The following NADK2 variants were observed in gnomAD, a reference collection of about 807,000 sequenced individuals.
NADK2 encodes NAD kinase domain-containing protein 1, mitochondrial.
A neutral mutation model predicts 62.1 loss-of-function variants in NADK2; 35 were observed. That is an observed-to-expected ratio of 0.56 (90% CI 0.43 to 0.75). NADK2 has a LOEUF of 0.75. Among genes scored for constraint, NADK2 ranks in the 30% least tolerant of loss-of-function variants. The pLI, the probability that NADK2 is intolerant of heterozygous loss-of-function variation, is 0.00. For missense variants in NADK2, 439 were observed against 561.3 expected, an observed-to-expected ratio of 0.78 and a Z score of 2.20; for synonymous variants, 205 against 207.9, an observed-to-expected ratio of 0.99 and a Z score of 0.12.
rs1747095713 is a variant in NADK2, at chr5:36,217,666, A to G, written c.781+82T>C. 3 of 1,567,818 alleles carry G rather than the reference A, an allele frequency of 1.9e-6. No homozygotes were observed. The Admixed American group carries it at 5.1e-5, about 27-fold the overall frequency. ...TATTAATGACACTAAAAACAAGTAA[A>G]TTATTACATCAAAAAATTTGAGGTC... On this transcript the variant is annotated intron_variant, in intron 6 of 11. Coordinates refer to ENST00000381937, the MANE Select transcript of NADK2 (RefSeq NM_001085411.3).
chr5:36,241,947 G>T, upstream of NADK2: 1 of 603,492 alleles, frequency 1.7e-6, no homozygotes, highest in Non-Finnish European at 2.2e-6. The surrounding 1 kb of genome is among the most constrained non-coding windows in gnomAD (Gnocchi z 4.9). Flanking sequence ...TGGCCCACGC[G>T]GCTAGGGGGA....
chr5:36,237,036 G>C (rs1747937678), intron 1 of NADK2, among the ~76,000 whole-genome samples: 1 of 152,114 alleles, frequency 6.6e-6, no homozygotes, highest in Non-Finnish European at 1.5e-5. Context: ...AATGAACTAT[G>C]TATGGAAAAA....
chr5:36,234,583 G>A (rs1285598926), intron 1 of NADK2, among the ~76,000 whole-genome samples: 17 of 152,100 alleles, frequency 1.1e-4, no homozygotes, highest in Non-Finnish European at 1.5e-5. Context: ...ATATGTATGA[G>A]AACAATACAC....
chr5:36,226,510 G>T lies in NADK2; in HGVS notation c.443C>A (p.Thr148Asn). The T allele has an allele frequency of 1.9e-6, 3 of 1,612,988 alleles. No homozygotes were observed. The African/African-American group carries it at 4.0e-5, about 22-fold the overall frequency. The change falls in exon 3 of 12, where the codon ACT becomes AAT. Residue 148 changes from threonine to asparagine, a missense_variant. By Grantham distance (65) the Thr-to-Asn change is moderately conservative. Transcript: ENST00000381937. ...LVKRREYDEE[T>N]VRWADAVIAA... is the part of the protein sequence containing the mutation. ...TATGACAGCATCTGCCCATCGAACA[G>T]TCTCTTCATCATATTCTCTCCTCTT...
chr5:36,241,295 G>A lies in NADK2; in HGVS notation c.300+204C>T, dbSNP rs1350726572. 8.7e-6 allele frequency: 9 copies of A among 1,029,652 alleles called. No homozygotes were observed. Among genetic ancestry groups the A allele is most frequent in the Non-Finnish European group, 1.3e-6 (1 of 780,896 alleles). The allele number at this position is 1,029,652 out of a possible 1,614,324, so 63.8% of individuals were successfully genotyped here. ...TGTCCCTCTCTCTCCCCCTCTCCCC[G>A]GCCCTGCCTCTCCCTCGCACACACG... On this transcript the variant is annotated intron_variant, in intron 1 of 11. Coordinates refer to ENST00000381937, the MANE Select transcript of NADK2 (RefSeq NM_001085411.3). The surrounding 1 kb of genome is among the most constrained non-coding windows in gnomAD (Gnocchi z 4.9).
chr5:36,201,087 T>C lies in NADK2; in HGVS notation c.1012+19A>G, dbSNP rs1000052327. On this transcript the variant is annotated intron_variant, in intron 9 of 11. Coordinates refer to ENST00000381937, the MANE Select transcript of NADK2 (RefSeq NM_001085411.3). ...TGCGGATAAGAGGGGACTACTCCAA[T>C]AGCTGTTTTGGTACTCACCAATATT... The C allele has an allele frequency of 1.3e-5, 21 of 1,609,710 alleles. No individual in the cohort carries two copies. In the Admixed American group the frequency reaches 3.2e-4, roughly 24 times the overall value.
chr5:36,200,274 C>T lies in NADK2; in HGVS notation c.1019G>A (p.Arg340Gln). 1.3e-6 allele frequency: 2 copies of T among 1,573,784 alleles called. No homozygotes were observed. Among genetic ancestry groups the T allele is most frequent in the South Asian group, 1.2e-5 (1 of 84,810 alleles). ...AVEDVLNIAK[R>Q]QGNLSLPLNR... ...CAATGGAAGACTCAAATTTCCTTGT[C>T]GTTTTGCTGTTGAAAAAGGAAAGGG... Residue 340 changes from arginine to glutamine, a missense_variant, in exon 10 of 12, where the codon CGA becomes CAA. Arg to Gln is a conservative substitution (Grantham distance 43). Coordinates refer to ENST00000381937, the MANE Select transcript of NADK2 (RefSeq NM_001085411.3).
At chr5:36,230,316 G>A (rs1747660577) in intron 1 of NADK2, among the ~76,000 whole-genome samples, 2 of 152,198 alleles carry the variant, frequency 1.3e-5, no homozygotes, top group Non-Finnish European at 2.9e-5. Flanking sequence ...ACCTAACTCT[G>A]ACTCTTTTTA....
At position 36,241,748 on chromosome 5, in the gene NADK2, G is replaced by T; in HGVS notation, c.51C>A (p.Gly17=). Reference sequence around the variant, plus strand: ...GTCCCCGCAGCGCCGCCGCCCGGCCGCCCGCCACGCGACAACAGCTGCCCA... The same window carrying T: ...GTCCCCGCAGCGCCGCCGCCCGGCCTCCCGCCACGCGACAACAGCTGCCCA... ...FLLGSCCRVA[G]GRAAALRGPG... The change falls in exon 1 of 12, where the codon GGC becomes GGA. Residue 17 remains glycine (G), a synonymous_variant. Coordinates refer to ENST00000381937, the MANE Select transcript of NADK2 (RefSeq NM_001085411.3). This position sits in a 1 kb window ranked among gnomAD's most constrained non-coding sequence, Gnocchi z 4.9. The T allele has an allele frequency of 7.7e-7, 1 of 1,303,864 alleles. No individual in the cohort carries two copies. Among genetic ancestry groups the T allele is most frequent in the South Asian group, 1.9e-5 (1 of 52,306 alleles). 80.8% of individuals were successfully genotyped at this position (1,303,864 alleles called of 1,614,324 possible).
rs968677799 is a variant in NADK2 at position 36,192,688 on chromosome 5, C to T, written c.*2456G>A. On this transcript the variant is annotated 3_prime_UTR_variant, in exon 12 of 12. Transcript: ENST00000381937. ...GTCAAAATTATCTGAAGAGCCTACACTGACCAGGTAAGCACTTCACCCTGA... is the reference window on the plus strand; with the variant it reads ...GTCAAAATTATCTGAAGAGCCTACATTGACCAGGTAAGCACTTCACCCTGA... 6.6e-6 allele frequency: 1 copy of T among 152,192 alleles called. No homozygotes were observed. Among genetic ancestry groups the T allele is most frequent in the Non-Finnish European group, 1.5e-5 (1 of 68,036 alleles). 9.4% of individuals were successfully genotyped at this position (152,192 alleles called of 1,614,324 possible). A position where few individuals can be genotyped will look rare whatever the true frequency, so the allele number is the denominator to read the frequency against.
intron 6 of NADK2, among the ~76,000 whole-genome samples, chr5:36,213,776 T>A (rs1266758036): frequency 6.6e-6 from 1 of 151,938 alleles, no homozygotes; most frequent in Non-Finnish European, 1.5e-5. Flanking sequence ...AAATTACTTT[T>A]CCTTAATTAC....
At chr5:36,228,746 G>C (rs1747586943) in intron 1 of NADK2, among the ~76,000 whole-genome samples, 1 of 151,398 alleles carries the variant, frequency 6.6e-6, no homozygotes, top group East Asian at 1.9e-4. Flanking sequence ...AGCCTCCCAG[G>C]CAGCTGGGAC....
intron 5 of NADK2, 84 bp from the exon 6 acceptor site, chr5:36,217,968 T>C (rs1747111644): frequency 1.5e-6 from 2 of 1,302,778 alleles, no homozygotes; most frequent in Admixed American, 2.3e-5. Flanking sequence ...CCAAATTAAA[T>C]AGTTAATAAA....
At chr5:36,235,018 T>C (rs1747849782) in intron 1 of NADK2, among the ~76,000 whole-genome samples, 1 of 152,206 alleles carries the variant, frequency 6.6e-6, no homozygotes, top group Non-Finnish European at 1.5e-5. Context: ...GCAGGATGCC[T>C]AGCAGTTAGC....
At position 36,197,529 on chromosome 5, in the gene NADK2, G is replaced by A; in HGVS notation, c.1190+12C>T. The A allele has an allele frequency of 1.2e-6, 2 of 1,612,138 alleles. No homozygotes were observed. The highest frequency in any genetic ancestry group is 1.7e-6 in the Non-Finnish European group (2 of 1,178,700). On this transcript the variant is annotated intron_variant, in intron 11 of 11. Transcript: ENST00000381937. ...GATGAAAACAGTCAGAAGTCAGATT[G>A]AGGATGCTTACTTTGAGGAGAAACA...
intron 10 of NADK2, among the ~76,000 whole-genome samples, 186 bp from the exon 11 acceptor site, chr5:36,197,850 T>C (rs1190338023): frequency 6.6e-6 from 1 of 151,834 alleles, no homozygotes; most frequent in Non-Finnish European, 1.5e-5. Context: ...AAATAAGAAT[T>C]AGGTACCATG....
In NADK2 at chr5:36,241,809, G is replaced by A; in HGVS notation, c.-11C>T. ...TCGGTAGCAAGTCATCGTGGGCCGG[G>A]CCGCGGCCGCGGGCTTGGGCTCGGG... On this transcript the variant is annotated 5_prime_UTR_variant, in exon 1 of 12. Coordinates refer to ENST00000381937, the MANE Select transcript of NADK2 (RefSeq NM_001085411.3). The surrounding 1 kb of genome is among the most constrained non-coding windows in gnomAD (Gnocchi z 4.9). 7.6e-7 allele frequency: 1 copy of A among 1,310,294 alleles called. No individual in the cohort carries two copies. Among genetic ancestry groups the A allele is most frequent in the Non-Finnish European group, 9.7e-7 (1 of 1,030,752 alleles). The allele number at this position is 1,310,294 out of a possible 1,614,324, so 81.2% of individuals were successfully genotyped here.
chr5:36,225,725 C>T, intron 3 of NADK2, 102 bp from the exon 4 acceptor site: 2 of 918,724 alleles, frequency 2.2e-6, no homozygotes, highest in Non-Finnish European at 3.4e-6. Context: ...CATACCCCAC[C>T]CTGCTAACCG....
At chr5:36,211,024 C>T (rs1746820506) in intron 7 of NADK2, among the ~76,000 whole-genome samples, 1 of 152,028 alleles carries the variant, frequency 6.6e-6, no homozygotes, top group Non-Finnish European at 1.5e-5. Context: ...ATTAATAAAG[C>T]ACCTGGCCAA....
Sources: allele counts gnomAD v4.1 joint callset (sites outside exome capture counted in the v4.1 genomes callset), GRCh38; gene constraint gnomAD v4.1.1; non-coding constraint Gnocchi (gnomAD v3.1); transcripts MANE v1.5; gene names NCBI Gene and HGNC (gene_info 2026-07-23, HGNC 2026-07-21).